The following ACBD5 variants were observed in gnomAD, a reference collection of about 807,000 sequenced individuals.
ACBD5 encodes acyl-CoA binding domain containing 5.
In ACBD5, 40 loss-of-function variants were observed where a neutral mutation model predicts 71.8. The ratio of observed to expected loss-of-function variants is 0.56; its 90% confidence interval spans 0.43 to 0.72. The LOEUF (loss-of-function observed/expected upper bound fraction) is 0.72. Ranked by LOEUF, ACBD5 falls within the 30% of genes least tolerant of loss-of-function variation. The pLI, the probability that ACBD5 is intolerant of heterozygous loss-of-function variation, is 0.00. For synonymous variants in ACBD5, 229 were observed against 218.6 expected (o/e 1.05, Z -0.42); for missense variants, 559 against 644.5 (o/e 0.87, Z 1.44).
chr10:27,188,539 T>C (rs999315521), intron 13 of ACBD5, among the ~76,000 whole-genome samples: 4 of 152,168 alleles, frequency 2.6e-5, no homozygotes, highest in African/African-American at 9.7e-5. Context: ...ATATTAACCT[T>C]AACAGGGACT....
chr10:27,197,697 C>T lies in ACBD5; in HGVS notation c.1566-255G>A, dbSNP rs554058576. Among the ~76,000 whole-genome samples, 6 of 152,310 alleles carry T rather than the reference C, an allele frequency of 3.9e-5. No homozygotes were observed. In the South Asian group the frequency reaches 1.2e-3, roughly 32 times the overall value. On this transcript the variant is annotated intron_variant, in intron 12 of 12. Transcript: ENST00000396271. ...GTCTTGCTCTGTCGTCCAGGCTGGA[C>T]TGCAATGGTGCCATCTTGGCTCACT...
In ACBD5 at chr10:27,219,908, T is replaced by C. The variant is rs788213; in HGVS notation, c.491-51A>G. Reference sequence around the variant, plus strand: ...CACAATGTGATAATATACAATAATGTCATAATTTCCAAGTAATACTAATAA... The same window carrying C: ...CACAATGTGATAATATACAATAATGCCATAATTTCCAAGTAATACTAATAA... On this transcript the variant is annotated intron_variant, in intron 5 of 12. Coordinates refer to ENST00000396271, the MANE Select transcript of ACBD5 (RefSeq NM_145698.5). The C allele has an allele frequency of 1, 1,579,333 of 1,581,246 alleles. 788,733 individuals are homozygous for C. Among genetic ancestry groups the C allele is most frequent in the Non-Finnish European group, 1 (1,157,032 of 1,157,050 alleles).
In ACBD5 at chr10:27,197,189, T is replaced by C. The variant is rs1329347784; in HGVS notation, c.*241A>G. The C allele has an allele frequency of 1.7e-6, 1 of 603,232 alleles. No homozygotes were observed. Among genetic ancestry groups the C allele is most frequent in the South Asian group, 1.9e-5 (1 of 53,936 alleles). The allele number at this position is 603,232 out of a possible 1,614,324, so 37.4% of individuals were successfully genotyped here. A position where few individuals can be genotyped will look rare whatever the true frequency, so the allele number is the denominator to read the frequency against. ...CAAGTTCAAGGGCAGGGTAAATCTG[T>C]GTATACTACTTATAACCTAGTAGAG... is the stretch of plus-strand genomic sequence containing the variant. On this transcript the variant is annotated 3_prime_UTR_variant, in exon 13 of 13. Coordinates refer to ENST00000396271, the MANE Select transcript of ACBD5 (RefSeq NM_145698.5).
At position 27,215,518 on chromosome 10, in the gene ACBD5, G is replaced by T; in HGVS notation, c.936+17C>A. On this transcript the variant is annotated intron_variant, in intron 8 of 12. Transcript: ENST00000396271. ...CACCACTTTGAAAATACACCAATCA[G>T]AAAATGTCATTTTTACCTCTTCTTG... 6.4e-7 allele frequency: 1 copy of T among 1,570,986 alleles called. No individual in the cohort carries two copies. The highest frequency in any genetic ancestry group is 8.7e-7 in the Non-Finnish European group (1 of 1,143,136).
In ACBD5 at chr10:27,200,192, G is replaced by C. The variant is rs2059772909; in HGVS notation, c.1566-2750C>G. ...ACAAGATACAGGTCATAAAGACCTT[G>C]CTGATAAAACATGTTGCAGTAAAGA... On this transcript the variant is annotated intron_variant, in intron 12 of 12. Coordinates refer to ENST00000396271, the MANE Select transcript of ACBD5 (RefSeq NM_145698.5). 2.0e-5 allele frequency among the ~76,000 whole-genome samples: 3 copies of C among 152,090 alleles called. No individual in the cohort carries two copies. The South Asian group carries it at 6.2e-4, about 32-fold the overall frequency.
Position 27,211,100 on chromosome 10 carries a change from A to G in ACBD5, c.937-19T>C. 2 of 1,579,126 alleles carry G rather than the reference A, an allele frequency of 1.3e-6. No homozygotes were observed. The highest frequency in any genetic ancestry group is 1.7e-6 in the Non-Finnish European group (2 of 1,147,966). On this transcript the variant is annotated intron_variant, in intron 8 of 12. Transcript: ENST00000396271. The stretch of plus-strand genomic sequence containing the variant: ...CTAAAGACTACAAATTAGAAATGAC[A>G]CTTAGTTAAAAGCTAGAAATGTGAA...
At position 27,240,192 on chromosome 10, in the gene ACBD5, T is replaced by TC; in HGVS notation, c.181+126dup. On this transcript the variant is annotated intron_variant, in intron 2 of 12. Coordinates refer to ENST00000396271, the MANE Select transcript of ACBD5 (RefSeq NM_145698.5). This position sits in a 1 kb window ranked among gnomAD's most constrained non-coding sequence, Gnocchi z 4.1. Reference sequence around the variant, plus strand: ...AGGTAATTAATTCATATTCAATAGCTCCCCTTCCACTACATGGCTCCTACA... The same window carrying TC: ...AGGTAATTAATTCATATTCAATAGCTCCCCCTTCCACTACATGGCTCCTACA... 7.7e-6 allele frequency: 11 copies of TC among 1,425,116 alleles called. No individual in the cohort carries two copies. The highest frequency in any genetic ancestry group is 1.4e-5 in the African/African-American group (1 of 70,460). 88.3% of individuals were successfully genotyped at this position (1,425,116 alleles called of 1,614,324 possible).
intron 12 of ACBD5, among the ~76,000 whole-genome samples, chr10:27,203,971 A>C (rs2136761733): frequency 6.6e-6 from 1 of 151,452 alleles, no homozygotes; most frequent in Admixed American, 6.6e-5. Context: ...TAAAATTTAA[A>C]ATGCATATAA....
rs770163273 is a variant in ACBD5, at chr10:27,240,646, G to C, written c.15+28C>G. The C allele has an allele frequency of 1.9e-6, 3 of 1,550,914 alleles. No homozygotes were observed. Among genetic ancestry groups the C allele is most frequent in the South Asian group, 1.2e-5 (1 of 84,036 alleles). On this transcript the variant is annotated intron_variant, in intron 1 of 12. Transcript: ENST00000396271. This position sits in a 1 kb window ranked among gnomAD's most constrained non-coding sequence, Gnocchi z 4.1. ...GGGGCGTGACTAAGGCCACGAATCC[G>C]GCCCGCGACGACAGCAAAACAACTC... is the stretch of plus-strand genomic sequence containing the variant.
chr10:27,234,031 T>C (rs1302190785), intron 3 of ACBD5, among the ~76,000 whole-genome samples: 1 of 152,046 alleles, frequency 6.6e-6, no homozygotes, highest in Non-Finnish European at 1.5e-5. Flanking sequence ...GCAACAAGAG[T>C]GAAACTCCAT....
rs1172952316 is a variant in ACBD5 at position 27,240,068 on chromosome 10, C to G, written c.181+251G>C. On this transcript the variant is annotated intron_variant, in intron 2 of 12. Transcript: ENST00000396271. This position sits in a 1 kb window ranked among gnomAD's most constrained non-coding sequence, Gnocchi z 4.1. ...CGGCCCGGATTTATTTTTTAACACACCCAAATCCGCAGTCATTAAGTGACA... is the reference window on the plus strand; with the variant it reads ...CGGCCCGGATTTATTTTTTAACACAGCCAAATCCGCAGTCATTAAGTGACA... 6.6e-6 allele frequency among the ~76,000 whole-genome samples: 1 copy of G among 152,064 alleles called. No homozygotes were observed. Among genetic ancestry groups the G allele is most frequent in the Admixed American group, 6.6e-5 (1 of 15,264 alleles).
rs540769100 is a variant in ACBD5, at chr10:27,197,532, C to T, written c.1566-90G>A. Reference sequence around the variant, plus strand: ...ACATAATAATAATAACATACAAATTCAAAATAAAACCATAATATTACCAAC... The same window carrying T: ...ACATAATAATAATAACATACAAATTTAAAATAAAACCATAATATTACCAAC... On this transcript the variant is annotated intron_variant, in intron 12 of 12. Coordinates refer to ENST00000396271, the MANE Select transcript of ACBD5 (RefSeq NM_145698.5). 1.1e-4 allele frequency: 114 copies of T among 1,010,958 alleles called. No homozygotes were observed. The South Asian group carries it at 1.5e-3, about 13-fold the overall frequency. The allele number at this position is 1,010,958 out of a possible 1,614,324, so 62.6% of individuals were successfully genotyped here. A position where few individuals can be genotyped will look rare whatever the true frequency, so the allele number is the denominator to read the frequency against.
At chr10:27,212,711 C>T (rs2061233444) in intron 8 of ACBD5, among the ~76,000 whole-genome samples, 1 of 151,646 alleles carries the variant, frequency 6.6e-6, no homozygotes, top group South Asian at 2.1e-4. Context: ...CCATGCCTGG[C>T]TAAGTTTTTT....
intron 12 of ACBD5, among the ~76,000 whole-genome samples, chr10:27,199,023 C>T (rs1275412929): frequency 3.3e-5 from 5 of 151,714 alleles, no homozygotes; most frequent in African/African-American, 9.7e-5. Flanking sequence ...GCAGGAGAAT[C>T]GCTTGAACCT....
At chr10:27,216,825 T>C (rs1330341713) in intron 7 of ACBD5, among the ~76,000 whole-genome samples, 2 of 151,996 alleles carry the variant, frequency 1.3e-5, no homozygotes, top group Non-Finnish European at 2.9e-5. Context: ...AAGATCCAAC[T>C]AGGCAAGTTT....
intron 12 of ACBD5, among the ~76,000 whole-genome samples, chr10:27,202,388 T>G (rs892373967): frequency 6.6e-6 from 1 of 152,172 alleles, no homozygotes; most frequent in African/African-American, 2.4e-5. Context: ...GTAAAAAACT[T>G]ATAAAGGTTC....
chr10:27,211,519 C>T (rs1357411521), intron 8 of ACBD5, among the ~76,000 whole-genome samples: 1 of 152,142 alleles, frequency 6.6e-6, no homozygotes, highest in African/African-American at 2.4e-5. Flanking sequence ...TGGGGTTTCA[C>T]CATGTTGGCC....
Position 27,196,377 on chromosome 10 carries a change from AG to A in ACBD5, c.*1052del. On this transcript the variant is annotated 3_prime_UTR_variant, in exon 13 of 13. Transcript: ENST00000396271. ...GGGAAGAGGGACTTAAATTTCTGTTAGCTGGGCATGCCTTATTCCTATGGAA... is the reference window on the plus strand; with the variant it reads ...GGGAAGAGGGACTTAAATTTCTGTTACTGGGCATGCCTTATTCCTATGGAA... The A allele has an allele frequency of 2.2e-6, 1 of 454,244 alleles. No homozygotes were observed. Among genetic ancestry groups the A allele is most frequent in the Non-Finnish European group, 4.4e-6 (1 of 226,778 alleles). The allele number at this position is 454,244 out of a possible 1,614,324, so 28.1% of individuals were successfully genotyped here. A position where few individuals can be genotyped will look rare whatever the true frequency, so the allele number is the denominator to read the frequency against.
chr10:27,186,229 C>T, intron 13 of ACBD5: 1 of 805,608 alleles, frequency 1.2e-6, no homozygotes, highest in South Asian at 1.5e-5. Flanking sequence ...AAGTATGTGG[C>T]CTAACAGACA....
Sources: gnomAD v4.1 joint callset for allele counts (sites outside exome capture counted in the v4.1 genomes callset) on GRCh38, gnomAD v4.1.1 for gene constraint, Gnocchi (gnomAD v3.1) non-coding constraint, MANE v1.5 for transcripts, NCBI Gene and HGNC (gene_info 2026-07-23, HGNC 2026-07-21) for gene names.